Variants in NUDT19 observed in about 807,000 individuals in gnomAD.
NUDT19 encodes the protein nudix hydrolase 19.
Under a neutral mutation model 22.2 loss-of-function variants are expected in NUDT19, and 31 were observed. The ratio of observed to expected loss-of-function variants is 1.40; its 90% CI spans 1.05 to 1.89. The LOEUF is 1.89. Among genes scored for constraint, NUDT19 ranks in the 40% most tolerant of loss-of-function variants. The probability of loss-of-function intolerance (pLI) is 0.00; values close to 1 mark genes in which losing one functional copy is unlikely to be tolerated. For missense variants in NUDT19, 752 were observed against 514.2 expected, an observed-to-expected ratio of 1.46 and a Z score of -4.47; for synonymous variants, 325 against 230.8, an observed-to-expected ratio of 1.41 and a Z score of -3.70.
rs1360532088 is a variant in NUDT19 at position 32,691,923 on chromosome 19, C to G, written c.-38C>G. 8.5e-7 allele frequency: 1 copy of G among 1,171,680 alleles called. No homozygotes were observed. Among genetic ancestry groups the G allele is most frequent in the Non-Finnish European group, 1.1e-6 (1 of 938,042 alleles). The allele number at this position is 1,171,680 out of a possible 1,614,324, so 72.6% of individuals were successfully genotyped here. On this transcript the variant is annotated 5_prime_UTR_variant, in exon 1 of 3. Transcript: ENST00000397061. ...GGGCCGGGCCACCTGCCGTGGAGCT[C>G]AGGCCGCGCCAGAATCGGATCCGGG...
chr19:32,698,758 C>T (rs568049111), intron 1 of NUDT19, among the ~76,000 whole-genome samples: 49 of 152,292 alleles, frequency 3.2e-4, no homozygotes, highest in Non-Finnish European at 6.5e-4. Context: ...CGAAAACCTG[C>T]GCCCTTTCCT....
intron 1 of NUDT19, among the ~76,000 whole-genome samples, chr19:32,699,886 G>A (rs574270915): frequency 6.3e-4 from 96 of 152,238 alleles, no homozygotes; most frequent in Non-Finnish European, 8.2e-4. Flanking sequence ...CGTTGGGTTC[G>A]TGGTCTCACT....
In NUDT19 at chr19:32,711,915, C is replaced by T; in HGVS notation, c.1086C>T (p.His362=). 1.2e-6 allele frequency: 2 copies of T among 1,613,840 alleles called. No homozygotes were observed. The highest frequency in any genetic ancestry group is 1.7e-6 in the Non-Finnish European group (2 of 1,179,852). The change falls in exon 3 of 3, where the codon CAC becomes CAT. Residue 362 remains histidine (H), a synonymous_variant. Transcript: ENST00000397061. ...TGACTGTTCAGCCAAAGTATAAACA[C>T]GTTTATCCTAAGAACTCTGTAGTAA... ...IHVTVQPKYK[H]VYPKNSVVRK...
intron 2 of NUDT19, among the ~76,000 whole-genome samples, chr19:32,710,519 G>T (rs1334331774): frequency 6.6e-6 from 1 of 151,648 alleles, no homozygotes; most frequent in Non-Finnish European, 1.5e-5. Context: ...TTGAACCCAG[G>T]AGGTAGAGGT....
intron 1 of NUDT19, among the ~76,000 whole-genome samples, chr19:32,699,031 C>T (rs1235663502): frequency 6.6e-6 from 1 of 152,140 alleles, no homozygotes; most frequent in Non-Finnish European, 1.5e-5. Flanking sequence ...CTCCCGATAT[C>T]CTAGTTTCAG....
At chr19:32,697,938 G>A (rs1193132215) in intron 1 of NUDT19, among the ~76,000 whole-genome samples, 1 of 152,184 alleles carries the variant, frequency 6.6e-6, no homozygotes, top group Non-Finnish European at 1.5e-5. Context: ...GCTTGAAGGG[G>A]ACATAACCGA....
At chr19:32,704,503 G>A (rs555014265) in intron 1 of NUDT19, among the ~76,000 whole-genome samples, 73 of 151,512 alleles carry the variant, frequency 4.8e-4, no homozygotes, top group African/African-American at 1.5e-3. Flanking sequence ...CTTGTGATCC[G>A]CCTGCCTTGG....
intron 1 of NUDT19, among the ~76,000 whole-genome samples, chr19:32,693,146 G>A (rs748875079): frequency 7.2e-5 from 11 of 152,148 alleles, no homozygotes; most frequent in Admixed American, 1.3e-4. Context: ...TCTTGGTCTC[G>A]CTGACTTTAA....
Position 32,692,216 on chromosome 19 carries a change from C to A in NUDT19, c.256C>A (p.Pro86Thr), listed in dbSNP as rs1568430553. ...WLGLFAPHHG[P>T]PRFGLGPAPF... Reference sequence around the variant, plus strand: ...GGGCCTCTTCGCGCCGCACCACGGGCCGCCGCGCTTCGGCCTGGGCCCGGC... The same window carrying A: ...GGGCCTCTTCGCGCCGCACCACGGGACGCCGCGCTTCGGCCTGGGCCCGGC... The change falls in exon 1 of 3, where the codon CCG becomes ACG. Residue 86 changes from proline to threonine, a missense_variant. Pro to Thr is a conservative substitution (Grantham distance 38). Coordinates refer to ENST00000397061, the MANE Select transcript of NUDT19 (RefSeq NM_001105570.2). The A allele has an allele frequency of 2.5e-6, 4 of 1,582,998 alleles. No homozygotes were observed. The highest frequency in any genetic ancestry group is 3.4e-6 in the Non-Finnish European group (4 of 1,173,496).
At position 32,692,245 on chromosome 19, in the gene NUDT19, A is replaced by G; in HGVS notation, c.285A>G (p.Pro95=). ...CGCGCTTCGGCCTGGGCCCGGCGCC[A>G]TTCAGCCGCACCGCTTTCCCGTCGC... The part of the protein sequence containing the change: ...GPPRFGLGPA[P]FSRTAFPSLP... Residue 95 remains proline, a synonymous_variant, in exon 1 of 3, where the codon CCA becomes CCG. Coordinates refer to ENST00000397061, the MANE Select transcript of NUDT19 (RefSeq NM_001105570.2). 6.3e-7 allele frequency: 1 copy of G among 1,591,222 alleles called. No homozygotes were observed.
chr19:32,702,129 G>C (rs1055990700), intron 1 of NUDT19, among the ~76,000 whole-genome samples: 4 of 152,228 alleles, frequency 2.6e-5, no homozygotes, highest in Non-Finnish European at 5.9e-5. Flanking sequence ...ACTCCCAGGA[G>C]AGTGCTGTAA....
At chr19:32,702,578 A>G (rs2145363436) in intron 1 of NUDT19, among the ~76,000 whole-genome samples, 1 of 152,308 alleles carries the variant, frequency 6.6e-6, no homozygotes, top group East Asian at 1.9e-4. Context: ...ACTGCACTCC[A>G]GCCTGGGTGA....
At chr19:32,705,455 T>G (rs981151998) in intron 1 of NUDT19, among the ~76,000 whole-genome samples, 1 of 151,978 alleles carries the variant, frequency 6.6e-6, no homozygotes, top group Middle Eastern at 3.4e-3. Flanking sequence ...AAAGAGAGTA[T>G]TGGACATTTC....
chr19:32,692,182 G>T lies in NUDT19; in HGVS notation c.222G>T (p.Ala74=), dbSNP rs756554051. ...TGCTGGATGCGGCCGACCGCTCGGC[G>T]GACTGGCTGGGCCTCTTCGCGCCGC... ...GGVLDAADRS[A]DWLGLFAPHH... Residue 74 remains alanine (A), a synonymous_variant, in exon 1 of 3, where the codon GCG becomes GCT. Transcript: ENST00000397061. 6.5e-7 allele frequency: 1 copy of T among 1,547,236 alleles called. No homozygotes were observed. The highest frequency in any genetic ancestry group is 2.5e-5 in the East Asian group (1 of 39,726).
intron 2 of NUDT19, among the ~76,000 whole-genome samples, chr19:32,711,173 C>G (rs961508912): frequency 1.3e-5 from 2 of 151,838 alleles, no homozygotes; most frequent in African/African-American, 4.8e-5. Context: ...ATTAAAAACA[C>G]AAGAAAGAGG....
In NUDT19 at chr19:32,700,671, C is replaced by T. The variant is rs531519300; in HGVS notation, c.714+7997C>T. Among the ~76,000 whole-genome samples, 55 of 152,230 alleles carry T rather than the reference C, an allele frequency of 3.6e-4. No individual in the cohort carries two copies. In the South Asian group the frequency reaches 0.011, roughly 30 times the overall value. ...TCTTGAACTCCTGGCCTCAAGCGACCGTCCAGCTTCAGCCTCCCAAAGTCT... is the reference window on the plus strand; with the variant it reads ...TCTTGAACTCCTGGCCTCAAGCGACTGTCCAGCTTCAGCCTCCCAAAGTCT... On this transcript the variant is annotated intron_variant, in intron 1 of 2. Transcript: ENST00000397061.
At position 32,692,098 on chromosome 19, in the gene NUDT19, G is replaced by T; in HGVS notation, c.138G>T (p.Leu46=). 7.2e-7 allele frequency: 1 copy of T among 1,388,768 alleles called. No homozygotes were observed. The highest frequency in any genetic ancestry group is 1.6e-5 in the South Asian group (1 of 61,374). The allele number at this position is 1,388,768 out of a possible 1,614,324, so 86.0% of individuals were successfully genotyped here. A position where few individuals can be genotyped will look rare whatever the true frequency, so the allele number is the denominator to read the frequency against. The part of the protein sequence containing the change: ...PPPAEGFRLL[L]LQRSPHQGFM... ...CGGCCGAGGGCTTCCGGCTGCTGCT[G>T]CTGCAGCGCTCCCCGCACCAAGGCT... Residue 46 remains leucine (L), a synonymous_variant, in exon 1 of 3, where the codon CTG becomes CTT. Coordinates refer to ENST00000397061, the MANE Select transcript of NUDT19 (RefSeq NM_001105570.2).
chr19:32,704,133 A>G (rs996270880), intron 1 of NUDT19, among the ~76,000 whole-genome samples: 25 of 152,168 alleles, frequency 1.6e-4, no homozygotes, highest in Non-Finnish European at 1.5e-5. Flanking sequence ...TTTGTTTTTG[A>G]AAGATACTTT....
chr19:32,710,250 G>A (rs531683693), intron 2 of NUDT19, among the ~76,000 whole-genome samples: 146 of 151,458 alleles, frequency 9.6e-4, no homozygotes, highest in African/African-American at 3.5e-3. Context: ...CTGACCTCAG[G>A]TGATCCGCCC....
Sources: gnomAD v4.1 joint callset for allele counts (sites outside exome capture counted in the v4.1 genomes callset) on GRCh38, gnomAD v4.1.1 for gene constraint, MANE v1.5 for transcripts, NCBI Gene and HGNC (gene_info 2026-07-23, HGNC 2026-07-21) for gene names.